RAG1: variants seen among roughly 807,000 people sequenced by gnomAD.
The protein encoded by RAG1 is recombination activating 1.
Under a neutral mutation model 62.7 loss-of-function variants are expected in RAG1, and 35 were observed. That is an observed-to-expected ratio of 0.56 (90% CI 0.43 to 0.74). The LOEUF is 0.74. Among genes scored for constraint, RAG1 ranks in the 30% least tolerant of loss-of-function variants. RAG1 has a pLI of 0.00. For synonymous variants in RAG1, 461 were observed against 470.3 expected (o/e 0.98, Z 0.26); for missense variants, 1,169 against 1,278.6 (o/e 0.91, Z 1.31).
At position 36,576,154 on chromosome 11, in the gene RAG1, T is replaced by C. The variant is rs1850847289; in HGVS notation, c.2850T>C (p.Ile950=). 6.2e-7 allele frequency: 1 copy of C among 1,613,930 alleles called. No individual in the cohort carries two copies. The highest frequency in any genetic ancestry group is 1.1e-5 in the South Asian group (1 of 91,082). Residue 950 remains isoleucine, a synonymous_variant, in exon 2 of 2, where the codon ATT becomes ATC. Coordinates refer to ENST00000299440, the MANE Select transcript of RAG1 (RefSeq NM_000448.3). ...CCCTGGCCCATGTTCCTGAAATTAT[T>C]GAGAGGGATGGCTCCATTGGGGCAT... ...HKTLAHVPEI[I]ERDGSIGAWA...
chr11:36,579,561 A>G lies in RAG1; in HGVS notation c.*3125A>G, dbSNP rs1463404432. The G allele has an allele frequency of 2.7e-5, 4 of 146,174 alleles. No individual in the cohort carries two copies. The highest frequency in any genetic ancestry group is 1.1e-4 in the African/African-American group (4 of 35,490). The allele number at this position is 146,174 out of a possible 1,614,324, so 9.1% of individuals were successfully genotyped here. On this transcript the variant is annotated 3_prime_UTR_variant, in exon 2 of 2. Transcript: ENST00000299440. ...TTCCAAGAGCCTTTTTTTTTTTTGT[A>G]TTTCAGAGAAAATTCAGGTACCAGG... is the stretch of plus-strand genomic sequence containing the variant.
chr11:36,530,900 A>T (rs761433736), intron 2 of RAG1, among the ~76,000 whole-genome samples: 68 of 152,110 alleles, frequency 4.5e-4, no homozygotes, highest in Non-Finnish European at 9.1e-4. Flanking sequence ...TTCTCAGAGA[A>T]GGGTGTTAAA....
intron 3 of RAG1, among the ~76,000 whole-genome samples, chr11:36,546,838 C>G (rs188090309): frequency 6.6e-6 from 1 of 152,132 alleles, no homozygotes; most frequent in East Asian, 1.9e-4. Flanking sequence ...ACGTATGAAG[C>G]TTAGTTTGGC....
At position 36,579,262 on chromosome 11, in the gene RAG1, T is replaced by C. The variant is rs1489332668; in HGVS notation, c.*2826T>C. On this transcript the variant is annotated 3_prime_UTR_variant, in exon 2 of 2. Transcript: ENST00000299440. ...CAGGATATATAAGCGCCAGTGGTAG[T>C]TGGGAGGAATAAACCATTATTTGGA... The C allele has an allele frequency of 6.0e-6, 1 of 166,952 alleles. No homozygotes were observed. Among genetic ancestry groups the C allele is most frequent in the Non-Finnish European group, 1.5e-5 (1 of 68,060 alleles). 10.3% of individuals were successfully genotyped at this position (166,952 alleles called of 1,614,324 possible). A position where few individuals can be genotyped will look rare whatever the true frequency, so the allele number is the denominator to read the frequency against.
intron 2 of RAG1, among the ~76,000 whole-genome samples, chr11:36,528,148 A>G (rs1412732618): frequency 1.3e-5 from 2 of 152,192 alleles, no homozygotes; most frequent in Non-Finnish European, 2.9e-5. Flanking sequence ...TGGACCTCAT[A>G]GACATCTACA....
At chr11:36,560,712 G>A (rs761054159) in intron 3 of RAG1, among the ~76,000 whole-genome samples, 13 of 152,114 alleles carry the variant, frequency 8.5e-5, no homozygotes, top group Admixed American at 6.5e-5. Context: ...GGGGTCTTTT[G>A]TACCTAGGAT....
At chr11:36,520,253 G>C (rs993825202) in intron 2 of RAG1, 6 of 152,162 alleles carry the variant, frequency 3.9e-5, no homozygotes, top group African/African-American at 1.4e-4. Flanking sequence ...TCACAAACTG[G>C]ATAAAGGCTA....
intron 1 of RAG1, among the ~76,000 whole-genome samples, chr11:36,517,985 C>T (rs1443697717): frequency 8.8e-6 from 1 of 114,100 alleles, no homozygotes; most frequent in Non-Finnish European, 1.7e-5. Flanking sequence ...CTATCCCTCC[C>T]CCCTCCCCCC....
At chr11:36,551,660 G>C in intron 3 of RAG1, among the ~76,000 whole-genome samples, 1 of 142,412 alleles carries the variant, frequency 7.0e-6, no homozygotes, top group Non-Finnish European at 1.5e-5. Context: ...ACATTGTGCA[G>C]GTTAGTTACA....
intron 3 of RAG1, among the ~76,000 whole-genome samples, chr11:36,541,149 G>T (rs1160620121): frequency 6.6e-6 from 1 of 152,200 alleles, no homozygotes; most frequent in Non-Finnish European, 1.5e-5. Flanking sequence ...AACAACAGCT[G>T]CGGGCTGTAA....
chr11:36,563,980 C>T (rs1428672404), upstream of RAG1, among the ~76,000 whole-genome samples: 5 of 152,180 alleles, frequency 3.3e-5, no homozygotes, highest in Non-Finnish European at 7.3e-5. Context: ...AATGTTTGAA[C>T]TCAATCTGTG....
At chr11:36,561,285 G>T (rs1172087088) in intron 3 of RAG1, among the ~76,000 whole-genome samples, 1 of 152,188 alleles carries the variant, frequency 6.6e-6, no homozygotes, top group African/African-American at 2.4e-5. Context: ...AGATGGGTGA[G>T]CATGGTCTCC....
chr11:36,574,050 A>G lies in RAG1; in HGVS notation c.746A>G (p.His249Arg), dbSNP rs3740955. The change falls in exon 2 of 2, where the codon CAC becomes CGC. Residue 249 changes from histidine (H) to arginine (R), a missense_variant. Around this residue, in one of 2 missense-constraint regions of RAG1, gnomAD observed 369 missense variants for 335.3 expected, o/e 1.10. Transcript: ENST00000299440. ...GACCAAGCAAGACAAGCCCGTCAGC[A>G]CAAGAGAAGAGCTCAGGCAAGGATC... Reference protein sequence around the residue: ...VLDQARQARQHKRRAQARISS... With the variant: ...VLDQARQARQRKRRAQARISS... The G allele has an allele frequency of 0.38, 605,943 of 1,613,910 alleles. 127,763 individuals are homozygous for G. The highest frequency in any genetic ancestry group is 0.77 in the East Asian group (34,582 of 44,854).
At chr11:36,570,381 G>T (rs1310470132) in intron 1 of RAG1, among the ~76,000 whole-genome samples, 3 of 152,080 alleles carry the variant, frequency 2.0e-5, no homozygotes, top group African/African-American at 7.2e-5. Flanking sequence ...TCTAATCTAA[G>T]TCTAGTTCTT....
intron 2 of RAG1, among the ~76,000 whole-genome samples, chr11:36,530,697 G>A (rs2133165): frequency 0.084 from 12,722 of 151,902 alleles, 710 homozygotes; most frequent in Non-Finnish European, 0.13. Context: ...CACTTGATAT[G>A]CTTTGATTCT....
At position 36,576,288 on chromosome 11, in the gene RAG1, G is replaced by T. The variant is rs760674116; in HGVS notation, c.2984G>T (p.Trp995Leu). Residue 995 changes from tryptophan (W) to leucine (L), a missense_variant, in exon 2 of 2, where the codon TGG becomes TTG. Coordinates refer to ENST00000299440, the MANE Select transcript of RAG1 (RefSeq NM_000448.3). ...ATGGAAGATGTCCTGAAACACCACT[G>T]GTTGTACACCTCCAAATACCTCCAG... ...YEMEDVLKHHWLYTSKYLQKF... is the reference protein window; with the variant it reads ...YEMEDVLKHHLLYTSKYLQKF... 3 of 1,613,958 alleles carry T rather than the reference G, an allele frequency of 1.9e-6. No homozygotes were observed. The highest frequency in any genetic ancestry group is 2.5e-6 in the Non-Finnish European group (3 of 1,180,014).
intron 1 of RAG1, among the ~76,000 whole-genome samples, chr11:36,516,705 C>A: frequency 6.6e-6 from 1 of 152,212 alleles, no homozygotes; most frequent in South Asian, 2.1e-4. Context: ...TTTGTACCTT[C>A]CCTTCTGGAC....
chr11:36,574,673 A>G lies in RAG1; in HGVS notation c.1369A>G (p.Ile457Val). The change falls in exon 2 of 2, where the codon ATC becomes GTC. Residue 457 changes from isoleucine (I) to valine (V), a missense_variant. Coordinates refer to ENST00000299440, the MANE Select transcript of RAG1 (RefSeq NM_000448.3). Reference protein sequence around the residue: ...EHRQADELEAIMQGKGSGLQP... With the variant: ...EHRQADELEAVMQGKGSGLQP... ...CAGGCAAGCTGATGAGCTGGAGGCC[A>G]TCATGCAGGGAAAGGGCTCTGGCCT... 1 of 1,614,238 alleles carries G rather than the reference A, an allele frequency of 6.2e-7. No homozygotes were observed. The highest frequency in any genetic ancestry group is 8.5e-7 in the Non-Finnish European group (1 of 1,180,040).
rs121918572 is a variant in RAG1 at position 36,575,630 on chromosome 11, C to T, written c.2326C>T (p.Arg776Trp). 7 of 1,614,036 alleles carry T rather than the reference C, an allele frequency of 4.3e-6. No individual in the cohort carries two copies. Among genetic ancestry groups the T allele is most frequent in the East Asian group, 2.2e-5 (1 of 44,900 alleles). The change falls in exon 2 of 2, where the codon CGG becomes TGG. Residue 776 changes from arginine to tryptophan, a missense_variant. By Grantham distance (101) the Arg-to-Trp change is moderately radical. Coordinates refer to ENST00000299440, the MANE Select transcript of RAG1 (RefSeq NM_000448.3). The surrounding 1 kb of genome is among the most constrained non-coding windows in gnomAD (Gnocchi z 4.1). ...NPYHESVEEL[R>W]DRVKGVSAKP... ...TTACCATGAGTCTGTGGAAGAACTG[C>T]GGGATCGGGTGAAAGGGGTCTCAGC...
Sources: gnomAD v4.1 joint callset for allele counts (sites outside exome capture counted in the v4.1 genomes callset) on GRCh38, gnomAD v4.1.1 for gene constraint, gnomAD v4.1.1 regional missense constraint, Gnocchi (gnomAD v3.1) non-coding constraint, MANE v1.5 for transcripts, NCBI Gene and HGNC (gene_info 2026-07-23, HGNC 2026-07-21) for gene names.